Variants in PRX observed in about 807,000 individuals in gnomAD.
The protein encoded by PRX is periaxin.
In PRX, 24 loss-of-function variants were observed where a neutral mutation model predicts 29.6. That is an observed-to-expected ratio of 0.81 (90% CI 0.59 to 1.14). The LOEUF is 1.14. Ranked by LOEUF, PRX falls within the 50% of genes most tolerant of loss-of-function variation. The pLI, the probability that PRX is intolerant of heterozygous loss-of-function variation, is 0.00. For synonymous variants in PRX, 772 were observed against 831.7 expected (o/e 0.93, Z 1.24); for missense variants, 1,838 against 1,926.4 (o/e 0.95, Z 0.86).
intron 4 of PRX, among the ~76,000 whole-genome samples, chr19:40,404,563 A>G (rs73559625): frequency 0.058 from 8,680 of 150,532 alleles, 847 homozygotes; most frequent in African/African-American, 0.2. Flanking sequence ...TGGGGCGGAG[A>G]CCCTTATTAT....
intron 1 of PRX, among the ~76,000 whole-genome samples, chr19:40,411,526 G>A (rs754772273): frequency 9.9e-5 from 15 of 152,170 alleles, no homozygotes; most frequent in Non-Finnish European, 1.9e-4. Flanking sequence ...GGCTGTGAGG[G>A]TCATGCCCGG....
At position 40,400,592 on chromosome 19, in the gene PRX, C is replaced by CAAAAAAAAAAAAAAAAAAAAAAAA. The variant is rs71171569; in HGVS notation, c.185-1800_185-1777dup. Among the ~76,000 whole-genome samples, 12 of 44,832 alleles carry CAAAAAAAAAAAAAAAAAAAAAAAA rather than the reference C, an allele frequency of 2.7e-4. 3 individuals are homozygous for CAAAAAAAAAAAAAAAAAAAAAAAA. The highest frequency in any genetic ancestry group is 4.9e-4 in the African/African-American group (5 of 10,146). 29.4% of individuals were successfully genotyped at this position (44,832 alleles called of 152,430 possible). A position where few individuals can be genotyped will look rare whatever the true frequency, so the allele number is the denominator to read the frequency against. On this transcript the variant is annotated intron_variant, in intron 5 of 6. Coordinates refer to ENST00000324001, the MANE Select transcript of PRX (RefSeq NM_181882.3). ...GGGCAACAAGAGCGAAATTCCATCT[C>CAAAAAAAAAAAAAAAAAAAAAAAA]AAAAAAAAAAAAAAAAAAAAAAAAA...
rs1462540645 is a variant in PRX at position 40,397,862 on chromosome 19, A to G, written c.490T>C (p.Ser164Pro). 6 of 1,606,290 alleles carry G rather than the reference A, an allele frequency of 3.7e-6. No individual in the cohort carries two copies. The Admixed American group carries it at 1.0e-4, about 27-fold the overall frequency. Residue 164 changes from serine to proline, a missense_variant, in exon 7 of 7, where the codon TCC becomes CCC. Transcript: ENST00000324001. ...VDVEFSFPKF[S>P]RLRRGLKAEA... ...GCTTTGAGGCCCCGACGCAGGCGGG[A>G]GAACTTGGGAAAGGAGAACTCGACG... is the stretch of plus-strand genomic sequence containing the variant.
chr19:40,406,081 T>C (rs929486086), intron 4 of PRX, among the ~76,000 whole-genome samples: 40 of 151,688 alleles, frequency 2.6e-4, no homozygotes, highest in Non-Finnish European at 7.4e-5. Context: ...ACTCCATCTC[T>C]ACTAAAAGTC....
At chr19:40,405,742 G>A (rs566868477) in intron 4 of PRX, among the ~76,000 whole-genome samples, 2 of 142,360 alleles carry the variant, frequency 1.4e-5, no homozygotes, top group African/African-American at 5.2e-5. Context: ...CGGGTCAAGC[G>A]ATTCTCCTGC....
intron 4 of PRX, among the ~76,000 whole-genome samples, chr19:40,404,132 G>A (rs1443950465): frequency 6.6e-6 from 1 of 152,178 alleles, no homozygotes; most frequent in Non-Finnish European, 1.5e-5. Context: ...GGCCTTCAGG[G>A]CACACGCCCC....
chr19:40,408,400 G>C lies in PRX; in HGVS notation c.-242-17C>G. The C allele has an allele frequency of 3.8e-6, 1 of 264,580 alleles. No homozygotes were observed. The highest frequency in any genetic ancestry group is 7.5e-6 in the Non-Finnish European group (1 of 132,882). The allele number at this position is 264,580 out of a possible 1,614,324, so 16.4% of individuals were successfully genotyped here. A position where few individuals can be genotyped will look rare whatever the true frequency, so the allele number is the denominator to read the frequency against. On this transcript the variant is annotated splice_polypyrimidine_tract_variant and intron_variant, in intron 1 of 6. Transcript: ENST00000324001. The stretch of plus-strand genomic sequence containing the variant: ...TCCGGCGCTCTAAGAAGAATAATGT[G>C]AGCAGTGTTATTGGCTAACAGCCAC...
intron 4 of PRX, among the ~76,000 whole-genome samples, chr19:40,405,015 G>A (rs1041269945): frequency 6.6e-6 from 1 of 152,202 alleles, no homozygotes; most frequent in Non-Finnish European, 1.5e-5. Flanking sequence ...GGGACAGGGA[G>A]TGGGATTTGC....
chr19:40,395,111 C>T lies in PRX; in HGVS notation c.3241G>A (p.Ala1081Thr), dbSNP rs773246710. ...GACTCAGCCTTTTCCCCCGGGCTGG[C>T]ACGATCACCTTGAACTTCTGCTTCC... ...GKEAEVQGDR[A>T]SPGEKAESTA... The change falls in exon 7 of 7, where the codon GCC becomes ACC. Residue 1081 changes from alanine to threonine, a missense_variant. By Grantham distance (58) the Ala-to-Thr change is moderately conservative (BLOSUM62 0). This residue lies in a region of PRX where 1,143 missense variants were observed against 1,193.0 expected (regional missense o/e 0.96). Coordinates refer to ENST00000324001, the MANE Select transcript of PRX (RefSeq NM_181882.3). The T allele has an allele frequency of 3.7e-6, 6 of 1,613,844 alleles. No individual in the cohort carries two copies. In the African/African-American group the frequency reaches 6.7e-5, roughly 18 times the overall value.
In PRX at chr19:40,395,334, C is replaced by T. The variant is rs1568704391; in HGVS notation, c.3018G>A (p.Lys1006=). 4.3e-6 allele frequency: 7 copies of T among 1,613,696 alleles called. No individual in the cohort carries two copies. Among genetic ancestry groups the T allele is most frequent in the Non-Finnish European group, 5.9e-6 (7 of 1,180,024 alleles). ...TGAGGTCGGCCCCTGCCACCTCTAC[C>T]TTGCCTGAGGGCAGGTGGGCATCCA... ...LSLDAHLPSG[K]VEVAGADLKF... is the part of the protein sequence containing the mutation. Residue 1006 remains lysine, a synonymous_variant, in exon 7 of 7, where the codon AAG becomes AAA. Transcript: ENST00000324001.
Position 40,397,765 on chromosome 19 carries a change from C to A in PRX, c.587G>T (p.Arg196Leu). ...RRLQLPRLRV[R>L]EVAEEAQAAR... ...TGCCTGAGCCTCTTCGGCCACTTCT[C>A]GTACACGCAGCCGAGGCAGCTGGAG... The change falls in exon 7 of 7, where the codon CGA (arginine) becomes CTA (leucine). Residue 196 changes from arginine (R) to leucine (L), a missense_variant. Arg to Leu is a moderately radical substitution (Grantham distance 102). This residue lies in a region of PRX where 666 missense variants were observed against 665.0 expected (regional missense o/e 1.00). Transcript: ENST00000324001. 6.4e-7 allele frequency: 1 copy of A among 1,566,960 alleles called. No individual in the cohort carries two copies. Among genetic ancestry groups the A allele is most frequent in the African/African-American group, 1.3e-5 (1 of 74,474 alleles).
chr19:40,409,994 G>A (rs2079551172), intron 1 of PRX, among the ~76,000 whole-genome samples: 1 of 152,112 alleles, frequency 6.6e-6, no homozygotes, highest in Non-Finnish European at 1.5e-5. Flanking sequence ...CTTTATCTGG[G>A]TAGTAATAAT....
At chr19:40,411,024 C>T (rs1201214033) in intron 1 of PRX, among the ~76,000 whole-genome samples, 1 of 152,168 alleles carries the variant, frequency 6.6e-6, no homozygotes, top group Non-Finnish European at 1.5e-5. Flanking sequence ...CTGAATTGGG[C>T]CCTGTGCTAG....
At chr19:40,413,282 C>T (rs1249044832) in intron 1 of PRX, 56 bp downstream of exon 1, 1 of 152,744 alleles carries the variant, frequency 6.5e-6, no homozygotes, top group Admixed American at 6.5e-5. Flanking sequence ...CCCTGAACCT[C>T]ATTCCCACAG....
chr19:40,394,447 T>C lies in PRX; in HGVS notation c.3905A>G (p.His1302Arg), dbSNP rs777921155. 1.2e-6 allele frequency: 2 copies of C among 1,602,384 alleles called. No individual in the cohort carries two copies. The highest frequency in any genetic ancestry group is 2.2e-5 in the South Asian group (2 of 89,488). Residue 1302 changes from histidine (H) to arginine (R), a missense_variant, in exon 7 of 7, where the codon CAC (histidine) becomes CGC (arginine). His to Arg is a conservative substitution (Grantham distance 29, BLOSUM62 0). Transcript: ENST00000324001. This position sits in a 1 kb window ranked among gnomAD's most constrained non-coding sequence, Gnocchi z 5.8. ...CCGGGGCAGCCGTACCTTGAGCTTG[T>C]GTCCGGCCTCTCCCTCCCCCTCTGC... The part of the protein sequence containing the change: ...QVAEGEGEAG[H>R]KLKVRLPRFG...
intron 4 of PRX, 112 bp downstream of exon 4, chr19:40,407,794 T>A: frequency 6.8e-7 from 1 of 1,464,510 alleles, no homozygotes; most frequent in Admixed American, 1.7e-5. Context: ...TATTTCCATT[T>A]CACAGATGGA....
At chr19:40,403,325 A>G (rs994202228) in intron 5 of PRX, among the ~76,000 whole-genome samples, 16 of 152,174 alleles carry the variant, frequency 1.1e-4, no homozygotes, top group Non-Finnish European at 1.5e-4. Flanking sequence ...TGCCCCAACA[A>G]CAAAAACATT....
chr19:40,404,182 C>T (rs1599663306), intron 4 of PRX, among the ~76,000 whole-genome samples: 1 of 152,338 alleles, frequency 6.6e-6, no homozygotes, highest in East Asian at 1.9e-4. Context: ...ACACCCACTC[C>T]GGCGTCTCCC....
chr19:40,394,468 T>C lies in PRX; in HGVS notation c.3884A>G (p.Glu1295Gly). Residue 1295 changes from glutamate to glycine, a missense_variant, in exon 7 of 7, where the codon GAG becomes GGG. Physicochemically the swap from Glu to Gly is moderately conservative, Grantham distance 98. This residue lies in a region of PRX where 1,143 missense variants were observed against 1,193.0 expected (regional missense o/e 0.96). Coordinates refer to ENST00000324001, the MANE Select transcript of PRX (RefSeq NM_181882.3). The surrounding 1 kb of genome is among the most constrained non-coding windows in gnomAD (Gnocchi z 5.8). ...GGNHAEYQVA[E>G]GEGEAGHKLK... ...CTTGTGTCCGGCCTCTCCCTCCCCC[T>C]CTGCCACCTGGTACTCGGCATGGTT... is the stretch of plus-strand genomic sequence containing the variant. The C allele has an allele frequency of 6.2e-7, 1 of 1,601,520 alleles. No individual in the cohort carries two copies. The highest frequency in any genetic ancestry group is 8.5e-7 in the Non-Finnish European group (1 of 1,174,430).
Sources: allele counts gnomAD v4.1 joint callset (sites outside exome capture counted in the v4.1 genomes callset), GRCh38; gene constraint gnomAD v4.1.1; regional missense constraint gnomAD v4.1.1; non-coding constraint Gnocchi (gnomAD v3.1); transcripts MANE v1.5; gene names NCBI Gene and HGNC (gene_info 2026-07-23, HGNC 2026-07-21).